UBN2: variants seen among roughly 807,000 people sequenced by gnomAD.
The protein encoded by UBN2 is ubinuclein-2.
A neutral mutation model predicts 120.2 loss-of-function variants in UBN2; 35 were observed. That is an observed-to-expected ratio of 0.29 (90% CI 0.22 to 0.39). The LOEUF is 0.39. UBN2 is among the 10% of genes least tolerant of loss of function. UBN2 has a pLI of 1.00. For missense variants in UBN2, 1,693 were observed against 1,663.2 expected, an observed-to-expected ratio of 1.02 and a Z score of -0.31; for synonymous variants, 661 against 648.7, an observed-to-expected ratio of 1.02 and a Z score of -0.29.
chr7:139,314,233 G>T, the UBN2 span, among the ~76,000 whole-genome samples: 1 of 149,048 alleles, frequency 6.7e-6, no homozygotes, highest in African/African-American at 2.4e-5. Flanking sequence ...AAGGCAGGCG[G>T]ATCACAAGGT....
At position 139,284,351 on chromosome 7, in the gene UBN2, T is replaced by A; in HGVS notation, c.3446T>A (p.Leu1149Gln). ...AAAAATCTTCAGGCCCCCTCAAAGC[T>A]AACAAACTCATCATCCACTGGAACT... is the stretch of plus-strand genomic sequence containing the variant. ...PTKNLQAPSK[L>Q]TNSSSTGTVG... Residue 1149 changes from leucine (L) to glutamine (Q), a missense_variant, in exon 15 of 18, where the codon CTA becomes CAA. Physicochemically the swap from Leu to Gln is moderately radical, Grantham distance 113 (BLOSUM62 -2). This residue lies in a region of UBN2 where 837 missense variants were observed against 817.6 expected (regional missense o/e 1.02). Coordinates refer to ENST00000473989, the MANE Select transcript of UBN2 (RefSeq NM_173569.4). The A allele has an allele frequency of 6.2e-7, 1 of 1,614,184 alleles. No homozygotes were observed. The highest frequency in any genetic ancestry group is 8.5e-7 in the Non-Finnish European group (1 of 1,180,036).
intron 2 of UBN2, among the ~76,000 whole-genome samples, chr7:139,239,244 TG>T (rs1200633683): frequency 6.6e-6 from 1 of 152,062 alleles, no homozygotes; most frequent in African/African-American, 2.4e-5. Context: ...TTAGTATATT[TG>T]GGGGGGTCAT....
chr7:139,242,873 A>C (rs1230077253), intron 2 of UBN2, among the ~76,000 whole-genome samples: 3 of 152,190 alleles, frequency 2.0e-5, no homozygotes, highest in Admixed American at 2.0e-4. Flanking sequence ...TTCTATTGGT[A>C]GGTTGAAGAA....
At chr7:139,240,454 A>AT (rs10682001) in intron 2 of UBN2, among the ~76,000 whole-genome samples, 41,885 of 122,734 alleles carry the variant, frequency 0.34, 8,180 homozygotes, top group Non-Finnish European at 0.42. Flanking sequence ...ATATATATAT[A>AT]TTTTTTTTTT....
intron 7 of UBN2, 108 bp from the exon 8 acceptor site, chr7:139,269,286 A>G: frequency 8.9e-7 from 1 of 1,129,504 alleles, no homozygotes; most frequent in South Asian, 1.8e-5. Context: ...TGTTTAGGAA[A>G]TCATGAAAAG....
the UBN2 span, among the ~76,000 whole-genome samples, chr7:139,324,843 C>A: frequency 5.9e-5 from 9 of 151,732 alleles, no homozygotes; most frequent in African/African-American, 2.2e-4. Flanking sequence ...CAGTGGTGGA[C>A]GCCTGTAATG....
chr7:139,266,060 CTT>C (rs374455779), intron 6 of UBN2, among the ~76,000 whole-genome samples: 6 of 141,180 alleles, frequency 4.2e-5, no homozygotes, highest in Admixed American at 1.4e-4. Flanking sequence ...TTAGGAGATT[CTT>C]TTTTTTTTTT....
chr7:139,286,129 T>C (rs927065951), intron 15 of UBN2, among the ~76,000 whole-genome samples: 6 of 152,214 alleles, frequency 3.9e-5, no homozygotes, highest in African/African-American at 1.4e-4. Context: ...TGTATTGCCA[T>C]GTTGGCCAGG....
In UBN2 at chr7:139,289,701, C is replaced by T. The variant is rs182814237; in HGVS notation, c.3670-3531C>T. Reference sequence around the variant, plus strand: ...TGCTGGGATAATAGGAGTGAACCATCGCACCTGGCCCTCATTTTGCATCTA... The same window carrying T: ...TGCTGGGATAATAGGAGTGAACCATTGCACCTGGCCCTCATTTTGCATCTA... On this transcript the variant is annotated intron_variant, in intron 15 of 17. Transcript: ENST00000473989. Among the ~76,000 whole-genome samples, 3 of 152,180 alleles carry T rather than the reference C, an allele frequency of 2.0e-5. No individual in the cohort carries two copies. The East Asian group carries it at 5.8e-4, about 29-fold the overall frequency.
rs371789907 is a variant in UBN2, at chr7:139,272,960, CA to C, written c.1716-333del. Reference sequence around the variant, plus strand: ...CACTCAGTTGCTTTGCAGTCAGAGACAAAAGGTGTCTGTTGATTGATTGTAT... The same window carrying C: ...CACTCAGTTGCTTTGCAGTCAGAGACAAAGGTGTCTGTTGATTGATTGTAT... On this transcript the variant is annotated intron_variant, in intron 9 of 17. Transcript: ENST00000473989. 1.5e-3 allele frequency among the ~76,000 whole-genome samples: 232 copies of C among 152,282 alleles called. 2 individuals are homozygous for C. The Middle Eastern group carries it at 0.044, about 29-fold the overall frequency.
intron 6 of UBN2, among the ~76,000 whole-genome samples, chr7:139,263,555 C>G (rs1322819531): frequency 6.6e-6 from 1 of 152,070 alleles, no homozygotes; most frequent in African/African-American, 2.4e-5. Flanking sequence ...GGGCGGATCA[C>G]CTGAGGTCGG....
chr7:139,326,766 G>A, the UBN2 span, among the ~76,000 whole-genome samples: 1 of 152,188 alleles, frequency 6.6e-6, no homozygotes, highest in African/African-American at 2.4e-5. Context: ...GGCACATATG[G>A]GAGCAGAGAA....
At chr7:139,309,974 A>G (rs185829624), downstream of UBN2, among the ~76,000 whole-genome samples, 335 of 152,330 alleles carry the variant, frequency 2.2e-3, no homozygotes, top group Non-Finnish European at 3.9e-3. Context: ...TTACTTAAAT[A>G]TATTTTCAAT....
intron 12 of UBN2, chr7:139,276,528 C>G (rs1381869406): frequency 1.4e-5 from 3 of 219,924 alleles, no homozygotes; most frequent in African/African-American, 4.7e-5. Context: ...CACCCACCCT[C>G]GCTGCACTGC....
At chr7:139,261,088 T>C (rs545099130) in intron 5 of UBN2, among the ~76,000 whole-genome samples, 164 bp from the exon 6 acceptor site, 1 of 152,336 alleles carries the variant, frequency 6.6e-6, no homozygotes, top group East Asian at 1.9e-4. Context: ...CATTCCAGAT[T>C]ATACTGAAGA....
At chr7:139,290,807 CA>C (rs1797933215) in intron 15 of UBN2, among the ~76,000 whole-genome samples, 1 of 152,102 alleles carries the variant, frequency 6.6e-6, no homozygotes, top group Admixed American at 6.6e-5. Context: ...GGATATTCTT[CA>C]TTTGTTTGTT....
At chr7:139,269,578 C>A (rs1585010514) in intron 8 of UBN2, 55 bp downstream of exon 8, 29 of 1,586,198 alleles carry the variant, frequency 1.8e-5, no homozygotes, top group Non-Finnish European at 2.4e-5. Flanking sequence ...TGTAAAGATA[C>A]TTGTTTCTGT....
intron 2 of UBN2, among the ~76,000 whole-genome samples, chr7:139,240,454 A>ATATATTTTTTTTTTTTTTTTTTT (rs371717591): frequency 1.6e-5 from 2 of 123,148 alleles, no homozygotes; most frequent in African/African-American, 6.4e-5. Context: ...ATATATATAT[A>ATATATTTTTTTTTTTTTTTTTTT]TTTTTTTTTT....
chr7:139,270,271 T>A (rs1324948385), intron 8 of UBN2, among the ~76,000 whole-genome samples: 1 of 137,640 alleles, frequency 7.3e-6, no homozygotes, highest in African/African-American at 2.7e-5. Flanking sequence ...GCAGAAATAC[T>A]TTTTTTTTTT....
Sources: allele counts gnomAD v4.1 joint callset (sites outside exome capture counted in the v4.1 genomes callset), GRCh38; gene constraint gnomAD v4.1.1; regional missense constraint gnomAD v4.1.1; transcripts MANE v1.5; gene names NCBI Gene and HGNC (gene_info 2026-07-23, HGNC 2026-07-21).